CALCRL: variants seen among roughly 807,000 people sequenced by gnomAD.
CALCRL encodes calcitonin gene-related peptide type 1 receptor.
Under a neutral mutation model 60.4 loss-of-function variants are expected in CALCRL, and 27 were observed. The ratio of observed to expected loss-of-function variants is 0.45; its 90% CI spans 0.33 to 0.62. The LOEUF (loss-of-function observed/expected upper bound fraction) is 0.62, where lower values mean the gene tolerates loss of function less well. Among genes scored for constraint, CALCRL ranks in the 20% least tolerant of loss-of-function variants. The pLI is 0.03. For missense variants in CALCRL, 424 were observed against 540.7 expected (o/e 0.78, Z 2.14); for synonymous variants, 190 against 182.6 (o/e 1.04, Z -0.33).
At chr2:187,397,594 A>T (rs1688715616) in intron 1 of CALCRL, among the ~76,000 whole-genome samples, 1 of 151,630 alleles carries the variant, frequency 6.6e-6, no homozygotes, top group South Asian at 2.1e-4. Context: ...TATTGCATGA[A>T]TATAGTGCAT....
rs1462906134 is a variant in CALCRL at position 187,387,499 on chromosome 2, G to A, written c.-201-6C>T. The stretch of plus-strand genomic sequence containing the variant: ...GGTTTTTATTATTAGACGATCTTGA[G>A]AAAAATATAACCAAAATACCATGAA... On this transcript the variant is annotated splice_polypyrimidine_tract_variant and splice_region_variant and intron_variant, in intron 2 of 14. Coordinates refer to ENST00000392370, the MANE Select transcript of CALCRL (RefSeq NM_005795.6). 3 of 319,126 alleles carry A rather than the reference G, an allele frequency of 9.4e-6. No individual in the cohort carries two copies. Among genetic ancestry groups the A allele is most frequent in the African/African-American group, 2.1e-5 (1 of 46,838 alleles). The allele number at this position is 319,126 out of a possible 1,614,324, so 19.8% of individuals were successfully genotyped here.
chr2:187,428,569 C>G (rs1004736534), intron 1 of CALCRL: 1 of 152,228 alleles, frequency 6.6e-6, no homozygotes, highest in Admixed American at 6.5e-5. Flanking sequence ...GATGATCATT[C>G]ATAAAATTGA....
chr2:187,396,905 A>G (rs1344621055), intron 1 of CALCRL, among the ~76,000 whole-genome samples: 2 of 151,684 alleles, frequency 1.3e-5, no homozygotes, highest in African/African-American at 4.8e-5. Flanking sequence ...TCACATAATG[A>G]AGGGATGATG....
intron 1 of CALCRL, among the ~76,000 whole-genome samples, chr2:187,421,742 A>T (rs1199149983): frequency 6.6e-6 from 1 of 152,170 alleles, no homozygotes; most frequent in Non-Finnish European, 1.5e-5. Context: ...TAATTCCCTC[A>T]TAAAAACACC....
chr2:187,365,799 C>A (rs1239681620), intron 8 of CALCRL, among the ~76,000 whole-genome samples: 2 of 151,954 alleles, frequency 1.3e-5, no homozygotes, highest in African/African-American at 4.8e-5. Flanking sequence ...AAGCCATGAA[C>A]AGAAAGAAAG....
rs142792014 is a variant in CALCRL, at chr2:187,441,259, G to A, written c.-293+6780C>T. On this transcript the variant is annotated intron_variant, in intron 1 of 14. Transcript: ENST00000392370. ...TCATCAATAACTGAAGGTTTGCTACGATAATAAATATATACATATTTATTA... is the reference window on the plus strand; with the variant it reads ...TCATCAATAACTGAAGGTTTGCTACAATAATAAATATATACATATTTATTA... 2.0e-4 allele frequency among the ~76,000 whole-genome samples: 31 copies of A among 151,738 alleles called. No individual in the cohort carries two copies. The East Asian group carries it at 5.2e-3, about 26-fold the overall frequency.
Position 187,345,409 on chromosome 2 carries a change from C to T in CALCRL, c.*775G>A, listed in dbSNP as rs542631132. 2.0e-5 allele frequency: 3 copies of T among 152,338 alleles called. No individual in the cohort carries two copies. The highest frequency in any genetic ancestry group is 7.2e-5 in the African/African-American group (3 of 41,518). The allele number at this position is 152,338 out of a possible 1,614,324, so 9.4% of individuals were successfully genotyped here. On this transcript the variant is annotated 3_prime_UTR_variant, in exon 15 of 15. Coordinates refer to ENST00000392370, the MANE Select transcript of CALCRL (RefSeq NM_005795.6). ...ATTTACAGCTAGGAATTCCCTCCCA[C>T]TGTTTGGTAAGACAGGAAGAGGTTG...
chr2:187,379,551 A>C (rs974502489), intron 7 of CALCRL, among the ~76,000 whole-genome samples: 2 of 152,056 alleles, frequency 1.3e-5, no homozygotes, highest in Non-Finnish European at 2.9e-5. Context: ...CATGGTTTTC[A>C]CTTTTTTATT....
chr2:187,425,781 G>A (rs1471719392), intron 1 of CALCRL, among the ~76,000 whole-genome samples: 1 of 151,906 alleles, frequency 6.6e-6, no homozygotes, highest in Non-Finnish European at 1.5e-5. Flanking sequence ...AATTTTGAAA[G>A]AACTTCAGCC....
chr2:187,362,669 TTTTAA>T (rs1363212916), intron 9 of CALCRL, among the ~76,000 whole-genome samples: 3 of 152,122 alleles, frequency 2.0e-5, no homozygotes, highest in Admixed American at 2.0e-4. Context: ...TATGCAGATA[TTTTAA>T]TTTAAACATT....
At chr2:187,389,161 C>G (rs955556493) in intron 1 of CALCRL, among the ~76,000 whole-genome samples, 2 of 150,592 alleles carry the variant, frequency 1.3e-5, no homozygotes, top group African/African-American at 4.9e-5. Context: ...CAATCTCCGT[C>G]TTGCAGGTTC....
chr2:187,420,987 G>C (rs544054623), intron 1 of CALCRL, among the ~76,000 whole-genome samples: 1 of 152,102 alleles, frequency 6.6e-6, no homozygotes, highest in South Asian at 2.1e-4. Flanking sequence ...AATAATTTAC[G>C]TGTTGCCTTT....
At chr2:187,421,632 A>G (rs1689875347) in intron 1 of CALCRL, among the ~76,000 whole-genome samples, 1 of 152,212 alleles carries the variant, frequency 6.6e-6, no homozygotes, top group African/African-American at 2.4e-5. Context: ...GAGTCCTGCT[A>G]CATTCTGTGC....
At chr2:187,361,762 T>G (rs1687065449) in intron 9 of CALCRL, among the ~76,000 whole-genome samples, 1 of 151,998 alleles carries the variant, frequency 6.6e-6, no homozygotes, top group African/African-American at 2.4e-5. Context: ...AGAAGTTAAA[T>G]GATTTGCTAA....
At chr2:187,401,334 C>T (rs536006614) in intron 1 of CALCRL, among the ~76,000 whole-genome samples, 12 of 151,744 alleles carry the variant, frequency 7.9e-5, no homozygotes, top group African/African-American at 2.9e-4. Context: ...AAGAACCTGC[C>T]TAGCTAACAC....
In CALCRL at chr2:187,381,078, A is replaced by G. The variant is rs531006694; in HGVS notation, c.185-291T>C. ...TTTAATAAATCAAATGGTCTTTGCT[A>G]GTTGTCCTTAGCCATAATGTAGTGA... is the stretch of plus-strand genomic sequence containing the variant. On this transcript the variant is annotated intron_variant, in intron 5 of 14. Transcript: ENST00000392370. Among the ~76,000 whole-genome samples, 37 of 152,278 alleles carry G rather than the reference A, an allele frequency of 2.4e-4. No individual in the cohort carries two copies. In the South Asian group the frequency reaches 6.8e-3, roughly 28 times the overall value.
intron 1 of CALCRL, among the ~76,000 whole-genome samples, chr2:187,441,107 A>G (rs543454023): frequency 1.6e-4 from 25 of 152,090 alleles, no homozygotes; most frequent in Non-Finnish European, 2.4e-4. Context: ...TTGTCAAAGT[A>G]AGAAAGGTAA....
chr2:187,406,522 A>C (rs1689135283), intron 1 of CALCRL, among the ~76,000 whole-genome samples: 1 of 152,086 alleles, frequency 6.6e-6, no homozygotes, highest in Admixed American at 6.6e-5. Flanking sequence ...GCAAATAAAT[A>C]AAGAAAATAA....
chr2:187,404,508 T>A (rs77582950), intron 1 of CALCRL, among the ~76,000 whole-genome samples: 313 of 151,778 alleles, frequency 2.1e-3, no homozygotes, highest in Middle Eastern at 0.014. Context: ...TTATTTATTT[T>A]TTTTTTTTGT....
Sources: gnomAD v4.1 joint callset for allele counts (sites outside exome capture counted in the v4.1 genomes callset) on GRCh38, gnomAD v4.1.1 for gene constraint, MANE v1.5 for transcripts, NCBI Gene and HGNC (gene_info 2026-07-23, HGNC 2026-07-21) for gene names.